Variants in XPO5 observed in about 807,000 individuals in gnomAD.
XPO5 encodes the protein exportin 5, also known as exportin-5.
In XPO5, 46 loss-of-function variants were observed where a neutral mutation model predicts 160.6. That is an observed-to-expected ratio of 0.29 (90% CI 0.23 to 0.37). XPO5 has a LOEUF of 0.37. Ranked by LOEUF, XPO5 falls within the 10% of genes least tolerant of loss-of-function variation. The pLI is 1.00. For missense variants in XPO5, 1,090 were observed against 1,463.9 expected (o/e 0.74, Z 4.17); for synonymous variants, 537 against 519.3 (o/e 1.03, Z -0.46).
intron 22 of XPO5, among the ~76,000 whole-genome samples, 179 bp downstream of exon 22, chr6:43,531,300 C>CA (rs1283654938): frequency 4.8e-4 from 73 of 152,170 alleles, no homozygotes; most frequent in Non-Finnish European, 7.6e-4. Flanking sequence ...ATGACAATTA[C>CA]AAAAAAAGCA....
intron 16 of XPO5, 97 bp downstream of exon 16, chr6:43,549,795 AC>A: frequency 1.5e-6 from 2 of 1,334,022 alleles, no homozygotes; most frequent in Non-Finnish European, 2.1e-6. Context: ...CACCCTTACT[AC>A]CCCCTCCCAT....
intron 21 of XPO5, chr6:43,533,699 G>A (rs536850379): frequency 6.5e-5 from 21 of 324,412 alleles, no homozygotes; most frequent in East Asian, 4.5e-4. Flanking sequence ...TTCGTCTGGC[G>A]TTGTGATCTG....
At chr6:43,526,782 T>A (rs1243673820) in intron 26 of XPO5, 35 bp from the exon 27 acceptor site, 1 of 1,606,396 alleles carries the variant, frequency 6.2e-7, no homozygotes, top group East Asian at 2.2e-5. Flanking sequence ...AGGTGAAGGG[T>A]GGGTATATAC....
At chr6:43,555,046 A>G (rs1439751896) in intron 13 of XPO5, 1 of 150,106 alleles carries the variant, frequency 6.7e-6, no homozygotes, top group African/African-American at 2.5e-5. Flanking sequence ...GGTTCAAGCG[A>G]TTCTCCTACC....
intron 16 of XPO5, 60 bp from the exon 17 acceptor site, chr6:43,549,638 T>A: frequency 6.4e-7 from 1 of 1,557,480 alleles, no homozygotes; most frequent in South Asian, 1.2e-5. Flanking sequence ...AGGTGCTGCA[T>A]AGACTCATGT....
chr6:43,543,261 TC>T (rs1166461808), intron 20 of XPO5, among the ~76,000 whole-genome samples: 1 of 152,114 alleles, frequency 6.6e-6, no homozygotes, highest in African/African-American at 2.4e-5. Context: ...AAGACTAGCC[TC>T]AGCAACATAG....
At chr6:43,560,673 G>A (rs925640585) in intron 10 of XPO5, among the ~76,000 whole-genome samples, 9 of 152,142 alleles carry the variant, frequency 5.9e-5, no homozygotes, top group Non-Finnish European at 1.3e-4. Context: ...TAAACCACCT[G>A]GGACACACCT....
chr6:43,531,427 A>G (rs1015263502), intron 22 of XPO5, 52 bp downstream of exon 22: 2 of 1,533,222 alleles, frequency 1.3e-6, no homozygotes, highest in African/African-American at 2.7e-5. Context: ...GGACATTCCT[A>G]TACAATACAT....
Position 43,547,833 on chromosome 6 carries a change from A to G in XPO5, c.2061-126T>C, listed in dbSNP as rs546997941. 22 of 679,172 alleles carry G rather than the reference A, an allele frequency of 3.2e-5. No individual in the cohort carries two copies. In the Middle Eastern group the frequency reaches 1.2e-3, roughly 36 times the overall value. The allele number at this position is 679,172 out of a possible 1,614,324, so 42.1% of individuals were successfully genotyped here. On this transcript the variant is annotated intron_variant, in intron 18 of 31. Coordinates refer to ENST00000265351, the MANE Select transcript of XPO5 (RefSeq NM_020750.3). Reference sequence around the variant, plus strand: ...CAGTTTTTATAGTGAGAGGAGTATAATCATACTAATTGTCAGTTGTCATTT... The same window carrying G: ...CAGTTTTTATAGTGAGAGGAGTATAGTCATACTAATTGTCAGTTGTCATTT...
At chr6:43,529,210 G>A in intron 23 of XPO5, 1 of 1,422,796 alleles carries the variant, frequency 7.0e-7, no homozygotes. Flanking sequence ...GGACATCCTT[G>A]TAACAAACTC....
rs375674808 is a variant in XPO5 at position 43,572,539 on chromosome 6, A to G, written c.267T>C (p.Tyr89=). 1.0e-4 allele frequency: 166 copies of G among 1,613,828 alleles called. No homozygotes were observed. The highest frequency in any genetic ancestry group is 1.4e-4 in the Non-Finnish European group (162 of 1,179,900). The change falls in exon 3 of 32, where the codon TAT becomes TAC. Residue 89 remains tyrosine, a synonymous_variant. Transcript: ENST00000265351. ...TCAGCTCCATGACACTGTTCTTCAGATACACCTTCTCCAATCGAGACATGC... is the reference window on the plus strand; with the variant it reads ...TCAGCTCCATGACACTGTTCTTCAGGTACACCTTCTCCAATCGAGACATGC... ...WNGMSRLEKV[Y]LKNSVMELIA... is the part of the protein sequence containing the mutation.
In XPO5 at chr6:43,565,558, C is replaced by G. The variant is rs548772605; in HGVS notation, c.911+102G>C. Reference sequence around the variant, plus strand: ...CCAGCCTGGGTGACAGAGCGAGATCCATCTCAAAATAAAAAAAAAAAAAAG... The same window carrying G: ...CCAGCCTGGGTGACAGAGCGAGATCGATCTCAAAATAAAAAAAAAAAAAAG... On this transcript the variant is annotated intron_variant, in intron 8 of 31. Coordinates refer to ENST00000265351, the MANE Select transcript of XPO5 (RefSeq NM_020750.3). The G allele has an allele frequency of 1.5e-3, 1,580 of 1,049,078 alleles. 3 individuals carry two copies. Among genetic ancestry groups the G allele is most frequent in the Non-Finnish European group, 2.0e-3 (1,495 of 766,302 alleles). 65.0% of individuals were successfully genotyped at this position (1,049,078 alleles called of 1,614,324 possible).
chr6:43,527,354 C>T (rs540909967), intron 26 of XPO5: 34 of 278,126 alleles, frequency 1.2e-4, no homozygotes, highest in African/African-American at 6.2e-4. Flanking sequence ...TCACTGCAGC[C>T]TCCGCCTCCC....
intron 13 of XPO5, among the ~76,000 whole-genome samples, chr6:43,554,402 T>C (rs1410205028): frequency 6.7e-6 from 1 of 150,354 alleles, no homozygotes; most frequent in East Asian, 2.0e-4. Flanking sequence ...TGAGCCACTG[T>C]GCCCAGCCGC....
chr6:43,547,036 A>G (rs1794998446), intron 19 of XPO5, among the ~76,000 whole-genome samples: 1 of 152,190 alleles, frequency 6.6e-6, no homozygotes, highest in South Asian at 2.1e-4. Flanking sequence ...CCTGATGAGA[A>G]GGTGGCTTAG....
intron 5 of XPO5, among the ~76,000 whole-genome samples, chr6:43,570,114 C>G (rs890050021): frequency 6.8e-6 from 1 of 148,026 alleles, no homozygotes; most frequent in Non-Finnish European, 1.5e-5. Flanking sequence ...AGATCAAGAC[C>G]TTCCTGGCTA....
Position 43,551,363 on chromosome 6 carries a change from T to C in XPO5, c.1663A>G (p.Asn555Asp), listed in dbSNP as rs1339279949. 9.9e-6 allele frequency: 16 copies of C among 1,613,722 alleles called. No individual in the cohort carries two copies. The highest frequency in any genetic ancestry group is 1.6e-4 in the Middle Eastern group (1 of 6,080). The change falls in exon 15 of 32, where the codon AAT (asparagine) becomes GAT (aspartate). Residue 555 changes from asparagine (N) to aspartate (D), a missense_variant. Around this residue, in one of 3 missense-constraint regions of XPO5, gnomAD observed 810 missense variants for 1,139.0 expected, o/e 0.71. Transcript: ENST00000265351. The part of the protein sequence containing the change: ...DPLILSCVLT[N>D]VSALFPFVTY... ...ACAAATGGAAAGAGTGCAGAGACAT[T>C]AGTAAGGACGCAGGACAGGATGAGG...
chr6:43,568,580 TG>T, intron 6 of XPO5, 130 bp downstream of exon 6: 1 of 761,330 alleles, frequency 1.3e-6, no homozygotes, highest in Non-Finnish European at 2.0e-6. Flanking sequence ...CACTCCAGCC[TG>T]GGCAACAGTA....
chr6:43,559,053 T>C (rs974547927), intron 11 of XPO5: 1 of 152,972 alleles, frequency 6.5e-6, no homozygotes, highest in Admixed American at 6.5e-5. Flanking sequence ...TCCCAGCACT[T>C]TGGGAGGCCG....
Sources: allele counts gnomAD v4.1 joint callset (sites outside exome capture counted in the v4.1 genomes callset), GRCh38; gene constraint gnomAD v4.1.1; regional missense constraint gnomAD v4.1.1; transcripts MANE v1.5; gene names NCBI Gene and HGNC (gene_info 2026-07-23, HGNC 2026-07-21).